Variants in PRPF6 observed in about 807,000 individuals in gnomAD.
PRPF6 encodes pre-mRNA processing factor 6, also known as pre-mRNA-processing factor 6.
PRPF6 carries 42 observed loss-of-function variants against 118.3 expected under a neutral mutation model. The observed-to-expected ratio is 0.35, with a 90% CI of 0.28 to 0.46. The LOEUF (loss-of-function observed/expected upper bound fraction) is 0.46. Ranked by LOEUF, PRPF6 falls within the 20% of genes least tolerant of loss-of-function variation. PRPF6 has a pLI of 1.00. For synonymous variants in PRPF6, 481 were observed against 485.1 expected (o/e 0.99, Z 0.11); for missense variants, 662 against 1,255.7 (o/e 0.53, Z 7.15).
intron 3 of PRPF6, among the ~76,000 whole-genome samples, chr20:63,990,406 C>T (rs1352261600): frequency 2.0e-5 from 3 of 151,794 alleles, no homozygotes; most frequent in Non-Finnish European, 2.9e-5. Flanking sequence ...TTTAGAAGCT[C>T]GTTATTAAAT....
intron 12 of PRPF6, among the ~76,000 whole-genome samples, chr20:64,019,572 C>A (rs1272186993): frequency 1.3e-5 from 2 of 152,174 alleles, no homozygotes; most frequent in Non-Finnish European, 2.9e-5. Flanking sequence ...TGTGGGTGTT[C>A]AGGCCACTCT....
chr20:63,995,608 C>CCTT, intron 6 of PRPF6, 126 bp downstream of exon 6: 1 of 1,125,810 alleles, frequency 8.9e-7, no homozygotes, highest in Non-Finnish European at 1.3e-6. Flanking sequence ...TCCTTCTTCT[C>CCTT]CTTCTCCTTT....
rs1021327099 is a variant in PRPF6, at chr20:64,022,886, G to A, written c.1769+8G>A. ...GAAGAACCATGGCACTCGGTATGTGGTGGGACCCGCCTGCCCAAGGGTGCT... is the reference window on the plus strand; with the variant it reads ...GAAGAACCATGGCACTCGGTATGTGATGGGACCCGCCTGCCCAAGGGTGCT... On this transcript the variant is annotated splice_region_variant and intron_variant, in intron 13 of 20. Coordinates refer to ENST00000266079, the MANE Select transcript of PRPF6 (RefSeq NM_012469.4). The A allele has an allele frequency of 5.0e-6, 8 of 1,613,976 alleles. No individual in the cohort carries two copies. Among genetic ancestry groups the A allele is most frequent in the Non-Finnish European group, 6.8e-6 (8 of 1,179,986 alleles).
At chr20:63,989,018 C>G (rs1348416283) in intron 3 of PRPF6, among the ~76,000 whole-genome samples, 2 of 152,122 alleles carry the variant, frequency 1.3e-5, no homozygotes, top group African/African-American at 4.8e-5. Flanking sequence ...GTAACAAAAA[C>G]AGCATAGTAC....
intron 12 of PRPF6, among the ~76,000 whole-genome samples, chr20:64,017,678 T>C (rs1250970003): frequency 6.6e-6 from 1 of 152,160 alleles, no homozygotes; most frequent in African/African-American, 2.4e-5. Context: ...GCGCCACGCC[T>C]GGCCGCAGAT....
chr20:64,016,116 T>A (rs1159557603), intron 11 of PRPF6, among the ~76,000 whole-genome samples: 2 of 147,872 alleles, frequency 1.4e-5, no homozygotes, highest in African/African-American at 4.9e-5. Flanking sequence ...AGACCTTGAC[T>A]CTCTCTCTTT....
chr20:63,983,153 A>T lies in PRPF6; in HGVS notation c.178A>T (p.Met60Leu), dbSNP rs2059078640. The T allele has an allele frequency of 6.2e-7, 1 of 1,614,212 alleles. No individual in the cohort carries two copies. The highest frequency in any genetic ancestry group is 1.6e-4 in the Middle Eastern group (1 of 6,062). ...AGGCAAGAGAACCGTTGGGGACCAG[A>T]TGAAGAAAAATCAGGCTGCTGACGA... ...PPGKRTVGDQ[M>L]KKNQAADDDD... Residue 60 changes from methionine (M) to leucine (L), a missense_variant, in exon 2 of 21, where the codon ATG becomes TTG. This residue lies in a region of PRPF6 where 21 missense variants were observed against 45.5 expected (regional missense o/e 0.46). Coordinates refer to ENST00000266079, the MANE Select transcript of PRPF6 (RefSeq NM_012469.4).
At chr20:64,024,917 T>C (rs866520035) in intron 14 of PRPF6, among the ~76,000 whole-genome samples, 11 of 152,130 alleles carry the variant, frequency 7.2e-5, no homozygotes, top group African/African-American at 2.7e-4. Flanking sequence ...CCACTCAGTG[T>C]GACCACGGGT....
intron 6 of PRPF6, among the ~76,000 whole-genome samples, chr20:63,997,101 A>G (rs1033840522): frequency 3.9e-5 from 6 of 152,062 alleles, no homozygotes. Context: ...TCCCAAATTG[A>G]AACTCCGTAC....
chr20:64,022,957 T>G, intron 13 of PRPF6, 79 bp downstream of exon 13: 2 of 1,600,136 alleles, frequency 1.2e-6, no homozygotes, highest in Non-Finnish European at 1.7e-6. Context: ...TTTAAACCTC[T>G]CATGTCTGCT....
At chr20:64,021,733 G>A (rs1431138447) in intron 12 of PRPF6, among the ~76,000 whole-genome samples, 3 of 150,388 alleles carry the variant, frequency 2.0e-5, no homozygotes, top group African/African-American at 7.4e-5. Flanking sequence ...CCGTGTGTGT[G>A]CGTGTGTGTG....
rs1220364961 is a variant in PRPF6 at position 64,016,887 on chromosome 20, C to G, written c.1647+42C>G. ...GGCCTTTGTCCGTAATATGGAGTCT[C>G]TGCTTGTGGGAACAGCAGGCACCTT... On this transcript the variant is annotated intron_variant, in intron 12 of 20. Coordinates refer to ENST00000266079, the MANE Select transcript of PRPF6 (RefSeq NM_012469.4). 4 of 1,613,224 alleles carry G rather than the reference C, an allele frequency of 2.5e-6. No individual in the cohort carries two copies. In the African/African-American group the frequency reaches 5.4e-5, roughly 22 times the overall value.
At position 64,011,520 on chromosome 20, in the gene PRPF6, T is replaced by C. The variant is rs992315565; in HGVS notation, c.1524+17T>C. 2 of 1,604,156 alleles carry C rather than the reference T, an allele frequency of 1.2e-6. No homozygotes were observed. Among genetic ancestry groups the C allele is most frequent in the South Asian group, 1.1e-5 (1 of 90,234 alleles). ...TGGATCCAGGTGGGCCGCAGGCGGG[T>C]GTCGTGGTGTCTGCTTTAACAGTGC... On this transcript the variant is annotated intron_variant, in intron 11 of 20. Transcript: ENST00000266079. The surrounding 1 kb of genome is among the most constrained non-coding windows in gnomAD (Gnocchi z 6.7).
At chr20:64,013,926 T>C (rs1209245827) in intron 11 of PRPF6, among the ~76,000 whole-genome samples, 4 of 151,986 alleles carry the variant, frequency 2.6e-5, no homozygotes, top group South Asian at 2.1e-4. Context: ...CTCTGTAGCC[T>C]TTTGTTTTTG....
At position 64,029,115 on chromosome 20, in the gene PRPF6, T is replaced by C. The variant is rs552603064; in HGVS notation, c.2432-262T>C. Among the ~76,000 whole-genome samples the C allele has an allele frequency of 6.6e-6, 1 of 152,192 alleles. No homozygotes were observed. Among genetic ancestry groups the C allele is most frequent in the African/African-American group, 2.4e-5 (1 of 41,546 alleles). On this transcript the variant is annotated intron_variant, in intron 18 of 20. Transcript: ENST00000266079. This position sits in a 1 kb window ranked among gnomAD's most constrained non-coding sequence, Gnocchi z 4.8. Reference sequence around the variant, plus strand: ...CCGGGAGTGGGAGGTTGCAGTGAGCTGAGATTGCGCCATTGCACTCCACCC... The same window carrying C: ...CCGGGAGTGGGAGGTTGCAGTGAGCCGAGATTGCGCCATTGCACTCCACCC...
chr20:64,011,504 G>T lies in PRPF6; in HGVS notation c.1524+1G>T. 3 of 1,611,984 alleles carry T rather than the reference G, an allele frequency of 1.9e-6. No individual in the cohort carries two copies. Among genetic ancestry groups the T allele is most frequent in the Non-Finnish European group, 2.5e-6 (3 of 1,179,554 alleles). Reference sequence around the variant, plus strand: ...GATCAACCGTGAGCAGTGGATCCAGGTGGGCCGCAGGCGGGTGTCGTGGTG... The same window carrying T: ...GATCAACCGTGAGCAGTGGATCCAGTTGGGCCGCAGGCGGGTGTCGTGGTG... On this transcript the variant is annotated splice_donor_variant, in intron 11 of 20. Transcript: ENST00000266079. LOFTEE classifies it high-confidence loss of function. This position sits in a 1 kb window ranked among gnomAD's most constrained non-coding sequence, Gnocchi z 6.7.
intron 6 of PRPF6, 32 bp from the exon 7 acceptor site, chr20:63,999,013 C>T: frequency 3.2e-6 from 5 of 1,567,698 alleles, no homozygotes; most frequent in Non-Finnish European, 4.4e-6. Context: ...CTGGTCATGT[C>T]CAGCTGACTC....
At chr20:64,019,850 C>G (rs1016331377) in intron 12 of PRPF6, among the ~76,000 whole-genome samples, 2 of 152,224 alleles carry the variant, frequency 1.3e-5, no homozygotes, top group East Asian at 3.8e-4. Context: ...GTGAAGAAAT[C>G]TCAGTGACAT....
At chr20:63,996,288 G>A (rs1432855569) in intron 6 of PRPF6, among the ~76,000 whole-genome samples, 2 of 152,134 alleles carry the variant, frequency 1.3e-5, no homozygotes, top group African/African-American at 4.8e-5. Flanking sequence ...GCAGTGAGCC[G>A]AGATTGCACC....
Sources: allele counts gnomAD v4.1 joint callset (sites outside exome capture counted in the v4.1 genomes callset), GRCh38; gene constraint gnomAD v4.1.1; regional missense constraint gnomAD v4.1.1; non-coding constraint Gnocchi (gnomAD v3.1); transcripts MANE v1.5; gene names NCBI Gene and HGNC (gene_info 2026-07-23, HGNC 2026-07-21).